POLR2M: variants seen among roughly 807,000 people sequenced by gnomAD.
POLR2M encodes the protein protein GRINL1A.
Under a neutral mutation model 34.6 loss-of-function variants are expected in POLR2M, and 30 were observed. The ratio of observed to expected loss-of-function variants is 0.87; its 90% confidence interval spans 0.65 to 1.18. POLR2M has a LOEUF of 1.18. Ranked by LOEUF, POLR2M falls within the 50% of genes most tolerant of loss-of-function variation. The pLI is 0.00. For synonymous variants in POLR2M, 150 were observed against 166.7 expected (o/e 0.90, Z 0.77); for missense variants, 432 against 448.7 (o/e 0.96, Z 0.34).
chr15:57,709,915 C>T (rs994430581), intron 2 of POLR2M, among the ~76,000 whole-genome samples: 1 of 152,110 alleles, frequency 6.6e-6, no homozygotes, highest in Non-Finnish European at 1.5e-5. Flanking sequence ...GGCTTTCCAG[C>T]AGAAATTATT....
chr15:57,716,753 G>C lies in POLR2M; in HGVS notation c.*2074G>C, dbSNP rs1428563880. 2.0e-5 allele frequency: 3 copies of C among 152,170 alleles called. No homozygotes were observed. The highest frequency in any genetic ancestry group is 7.2e-5 in the African/African-American group (3 of 41,430). 9.4% of individuals were successfully genotyped at this position (152,170 alleles called of 1,614,324 possible). A position where few individuals can be genotyped will look rare whatever the true frequency, so the allele number is the denominator to read the frequency against. On this transcript the variant is annotated 3_prime_UTR_variant, in exon 4 of 4. Coordinates refer to ENST00000299638, the MANE Select transcript of POLR2M (RefSeq NM_015532.5). ...AAGTTCTTAAGAATGTCCGTCCTTT[G>C]TCATATATTGTAACTTTTTTTAGCC...
chr15:57,712,480 A>G (rs1004497391), intron 3 of POLR2M, among the ~76,000 whole-genome samples: 1 of 152,334 alleles, frequency 6.6e-6, no homozygotes, highest in African/African-American at 2.4e-5. Context: ...CTGTTAGGAT[A>G]GTAGTAGCAT....
intron 3 of POLR2M, among the ~76,000 whole-genome samples, chr15:57,714,316 A>C (rs2040858358): frequency 6.6e-6 from 1 of 152,096 alleles, no homozygotes; most frequent in Non-Finnish European, 1.5e-5. Flanking sequence ...GTTGTATATT[A>C]ATGGAGGTCA....
chr15:57,713,449 A>T (rs905036938), intron 3 of POLR2M, among the ~76,000 whole-genome samples: 16 of 152,044 alleles, frequency 1.1e-4, no homozygotes, highest in African/African-American at 3.9e-4. Flanking sequence ...TTAGCAGAGA[A>T]GTTGTAGTGG....
chr15:57,708,686 T>C, intron 1 of POLR2M, 28 bp from the exon 2 acceptor site: 2 of 1,530,852 alleles, frequency 1.3e-6, no homozygotes, highest in Non-Finnish European at 1.8e-6. Context: ...ATGGCTGTAA[T>C]GTAATAGTAT....
intron 3 of POLR2M, 143 bp downstream of exon 3, chr15:57,712,331 A>G: frequency 1.0e-6 from 1 of 974,196 alleles, no homozygotes; most frequent in Non-Finnish European, 1.5e-6. Context: ...TAGTTTTCAG[A>G]GAGTCACAAA....
chr15:57,714,378 G>A (rs945519807), intron 3 of POLR2M, among the ~76,000 whole-genome samples, 158 bp from the exon 4 acceptor site: 13 of 152,108 alleles, frequency 8.5e-5, no homozygotes, highest in African/African-American at 2.9e-4. Context: ...ACCCAGTTGT[G>A]TCTGATAGGG....
At chr15:57,710,568 T>C (rs1344771138) in intron 2 of POLR2M, among the ~76,000 whole-genome samples, 1 of 152,210 alleles carries the variant, frequency 6.6e-6, no homozygotes, top group Non-Finnish European at 1.5e-5. Flanking sequence ...AGTACTCTCT[T>C]GTGTACAGTG....
intron 1 of POLR2M, 105 bp downstream of exon 1, chr15:57,707,060 T>C (rs1433047115): frequency 6.4e-7 from 1 of 1,551,556 alleles, no homozygotes; most frequent in Non-Finnish European, 8.7e-7. Flanking sequence ...AAGGTGACTT[T>C]GACTCAGTCA....
chr15:57,711,948 A>C, intron 2 of POLR2M, 36 bp from the exon 3 acceptor site: 1 of 1,610,094 alleles, frequency 6.2e-7, no homozygotes, highest in Non-Finnish European at 8.5e-7. Flanking sequence ...CAAATAAAAT[A>C]ATCTGATTGT....
In POLR2M at chr15:57,709,382, T is replaced by TCG. The variant is rs775365404; in HGVS notation, c.758+24_758+25insCG. 3.2e-6 allele frequency: 5 copies of TCG among 1,587,106 alleles called. No homozygotes were observed. In the South Asian group the frequency reaches 5.8e-5, roughly 18 times the overall value. On this transcript the variant is annotated intron_variant, in intron 2 of 3. Coordinates refer to ENST00000299638, the MANE Select transcript of POLR2M (RefSeq NM_015532.5). ...GTGTAAGTACCCTCGGAAACAGGCC[T>TCG]GTAACAGGAACGTGATATTTGTTAA...
At position 57,715,921 on chromosome 15, in the gene POLR2M, C is replaced by G. The variant is rs1449663551; in HGVS notation, c.*1242C>G. The G allele has an allele frequency of 6.6e-6, 1 of 152,278 alleles. No homozygotes were observed. Among genetic ancestry groups the G allele is most frequent in the East Asian group, 1.9e-4 (1 of 5,204 alleles). The allele number at this position is 152,278 out of a possible 1,614,324, so 9.4% of individuals were successfully genotyped here. ...AATTATTGCTTTCATTCCTTACCCC[C>G]CTCAAGCAAATGTGAAAAGTATACT... is the stretch of plus-strand genomic sequence containing the variant. On this transcript the variant is annotated 3_prime_UTR_variant, in exon 4 of 4. Transcript: ENST00000299638.
chr15:57,714,412 C>G, intron 3 of POLR2M, 124 bp from the exon 4 acceptor site: 1 of 1,511,214 alleles, frequency 6.6e-7, no homozygotes, highest in South Asian at 1.3e-5. Flanking sequence ...CTTGTATTGC[C>G]CAAGGGAGCA....
chr15:57,707,772 C>A (rs1461087924), intron 1 of POLR2M, among the ~76,000 whole-genome samples: 1 of 152,090 alleles, frequency 6.6e-6, no homozygotes, highest in Non-Finnish European at 1.5e-5. Context: ...TTTGGTTAAT[C>A]GAAAACCAAA....
At chr15:57,711,931 G>A (rs776418926) in intron 2 of POLR2M, 53 bp from the exon 3 acceptor site, 44 of 1,596,748 alleles carry the variant, frequency 2.8e-5, no homozygotes, top group Non-Finnish European at 3.6e-5. Flanking sequence ...TGTTTTAAAT[G>A]TGTCTACAAA....
chr15:57,707,671 C>T (rs1000469353), intron 1 of POLR2M: 10 of 374,914 alleles, frequency 2.7e-5, no homozygotes, highest in Non-Finnish European at 4.8e-5. Flanking sequence ...TGGAAGACCA[C>T]TAGCAAAAAT....
chr15:57,708,881 T>G lies in POLR2M; in HGVS notation c.281T>G (p.Val94Gly). Residue 94 changes from valine to glycine, a missense_variant, in exon 2 of 4, where the codon GTG (valine) becomes GGG (glycine). Physicochemically the swap from Val to Gly is moderately radical, Grantham distance 109. Transcript: ENST00000299638. ...CAAAAAGCAATTGCAGAAGTTGATG[T>G]GGGTACAGATAAGGCCCAGAATTCT... ...LRQKAIAEVD[V>G]GTDKAQNSDP... The G allele has an allele frequency of 6.2e-7, 1 of 1,614,058 alleles. No homozygotes were observed. The highest frequency in any genetic ancestry group is 8.5e-7 in the Non-Finnish European group (1 of 1,179,912).
At chr15:57,709,489 G>T (rs1256143511) in intron 2 of POLR2M, 131 bp downstream of exon 2, 25 of 1,067,830 alleles carry the variant, frequency 2.3e-5, no homozygotes, top group East Asian at 4.9e-5. Context: ...TGGGAAGACA[G>T]CTTTGAGTCC....
rs754618822 is a variant in POLR2M, at chr15:57,706,858, C to T, written c.16C>T (p.Arg6Cys). The T allele has an allele frequency of 4.4e-6, 7 of 1,575,376 alleles. No homozygotes were observed. Among genetic ancestry groups the T allele is most frequent in the Non-Finnish European group, 6.0e-6 (7 of 1,159,882 alleles). The change falls in exon 1 of 4, where the codon CGC (arginine) becomes TGC (cysteine). Residue 6 changes from arginine to cysteine, a missense_variant. By Grantham distance (180) the Arg-to-Cys change is radical. Transcript: ENST00000299638. ...CCCGCGCAGAATGTGCTCGCTGCCC[C>T]GCGGCTTCGAGCCCCAAGCTCCCGA... Reference protein sequence around the residue: MCSLPRGFEPQAPEDL... With the variant: MCSLPCGFEPQAPEDL...
Sources: allele counts gnomAD v4.1 joint callset (sites outside exome capture counted in the v4.1 genomes callset), GRCh38; gene constraint gnomAD v4.1.1; transcripts MANE v1.5; gene names NCBI Gene and HGNC (gene_info 2026-07-23, HGNC 2026-07-21).